Variants in DDX10 observed in about 807,000 individuals in gnomAD.
The protein encoded by DDX10 is probable ATP-dependent RNA helicase DDX10.
Under a neutral mutation model 104.3 loss-of-function variants are expected in DDX10, and 74 were observed. The ratio of observed to expected loss-of-function variants is 0.71; its 90% CI spans 0.59 to 0.86. The LOEUF is 0.86. Among genes scored for constraint, DDX10 ranks in the 40% least tolerant of loss-of-function variants. The pLI is 0.00. For missense variants in DDX10, 952 were observed against 1,040.0 expected, an observed-to-expected ratio of 0.92 and a Z score of 1.16; for synonymous variants, 351 against 353.4, an observed-to-expected ratio of 0.99 and a Z score of 0.08.
rs141780292 is a variant in DDX10 at position 108,883,448 on chromosome 11, C to T, written c.2304+31239C>T. Among the ~76,000 whole-genome samples the T allele has an allele frequency of 1.1e-3, 168 of 152,128 alleles. 1 individual carries two copies. The East Asian group carries it at 0.032, about 29-fold the overall frequency. On this transcript the variant is annotated intron_variant, in intron 16 of 17. Transcript: ENST00000322536. ...GCTGGATCCCATCCTCTCGTTTCTC[C>T]TTGGGGATTTTGTTCCAGGATTATA...
rs546309073 is a variant in DDX10 at position 108,671,167 on chromosome 11, AAG to A, written c.187-2297_187-2296del. Among the ~76,000 whole-genome samples, 23 of 152,246 alleles carry A rather than the reference AAG, an allele frequency of 1.5e-4. No homozygotes were observed. The South Asian group carries it at 1.9e-3, about 12-fold the overall frequency. The stretch of plus-strand genomic sequence containing the variant: ...TAAGAAAGGGATAAAGGGAAGGAGA[AAG>A]AGTTATTTTTTTGAGGTAGAGTCTC... On this transcript the variant is annotated intron_variant, in intron 1 of 17. Transcript: ENST00000322536.
chr11:108,923,232 C>T (rs1863857605), intron 17 of DDX10, among the ~76,000 whole-genome samples: 1 of 152,176 alleles, frequency 6.6e-6, no homozygotes, highest in Non-Finnish European at 1.5e-5. Flanking sequence ...CTGCTGGGAA[C>T]TGCACAGAGT....
chr11:108,715,145 C>T (rs577677587), intron 10 of DDX10, among the ~76,000 whole-genome samples: 8 of 151,492 alleles, frequency 5.3e-5, no homozygotes, highest in African/African-American at 1.9e-4. Context: ...ATAAGGAAAT[C>T]ACTACAATCT....
chr11:108,929,339 G>A (rs947775943), intron 17 of DDX10, among the ~76,000 whole-genome samples: 5 of 152,188 alleles, frequency 3.3e-5, no homozygotes, highest in Non-Finnish European at 4.4e-5. Flanking sequence ...CCTCTCTGAG[G>A]CAAGACCTGA....
intron 13 of DDX10, among the ~76,000 whole-genome samples, chr11:108,790,769 T>C (rs1202841737): frequency 6.6e-6 from 1 of 152,144 alleles, no homozygotes; most frequent in Non-Finnish European, 1.5e-5. Context: ...TTTTGTTTTT[T>C]TTTTTGACTC....
intron 13 of DDX10, among the ~76,000 whole-genome samples, chr11:108,776,964 C>T (rs1023486311): frequency 1.3e-5 from 2 of 152,212 alleles, no homozygotes; most frequent in African/African-American, 4.8e-5. Context: ...TGATTTCAGA[C>T]TTGTGATAAC....
At chr11:108,751,658 A>G (rs1174466738) in intron 13 of DDX10, among the ~76,000 whole-genome samples, 1 of 152,182 alleles carries the variant, frequency 6.6e-6, no homozygotes, top group Non-Finnish European at 1.5e-5. Flanking sequence ...AGAGTGAGTT[A>G]GGGGAAACGT....
At chr11:108,803,978 G>T (rs1436625234) in intron 13 of DDX10, among the ~76,000 whole-genome samples, 1 of 152,150 alleles carries the variant, frequency 6.6e-6, no homozygotes. Flanking sequence ...AGGCACTGCT[G>T]ATTAGGCCTG....
At chr11:108,772,273 C>A (rs149252450) in intron 13 of DDX10, among the ~76,000 whole-genome samples, 46 of 152,264 alleles carry the variant, frequency 3.0e-4, no homozygotes, top group African/African-American at 1.1e-3. Context: ...AGGGTCATTG[C>A]AGATATAATT....
chr11:108,887,860 C>T (rs182786736), intron 16 of DDX10, among the ~76,000 whole-genome samples: 231 of 151,902 alleles, frequency 1.5e-3, no homozygotes, highest in Non-Finnish European at 2.4e-3. Flanking sequence ...GTAGAGATTG[C>T]GGTGAGCCGC....
intron 16 of DDX10, among the ~76,000 whole-genome samples, chr11:108,872,650 A>T (rs1291454758): frequency 6.6e-6 from 1 of 152,150 alleles, no homozygotes. Context: ...TATTTCTGGC[A>T]CTAGTATCAT....
intron 13 of DDX10, among the ~76,000 whole-genome samples, chr11:108,784,782 A>G (rs759764410): frequency 3.3e-5 from 5 of 152,190 alleles, no homozygotes; most frequent in Non-Finnish European, 5.9e-5. Context: ...AGTGTCAAGC[A>G]GGGTATTTTC....
chr11:108,760,773 C>T (rs2094349881), intron 13 of DDX10, among the ~76,000 whole-genome samples: 1 of 150,866 alleles, frequency 6.6e-6, no homozygotes, highest in African/African-American at 2.4e-5. Context: ...GATGAGTGAC[C>T]TGTTGAAGTA....
chr11:108,707,376 C>T (rs1162126926), intron 10 of DDX10, among the ~76,000 whole-genome samples: 1 of 152,178 alleles, frequency 6.6e-6, no homozygotes, highest in Non-Finnish European at 1.5e-5. Context: ...GGTACCTAGC[C>T]TTTTCATATT....
chr11:108,892,816 A>G lies in DDX10; in HGVS notation c.2305-25057A>G, dbSNP rs138694811. Among the ~76,000 whole-genome samples, 220 of 152,308 alleles carry G rather than the reference A, an allele frequency of 1.4e-3. 2 individuals are homozygous for G. The highest frequency in any genetic ancestry group is 9.7e-3 in the South Asian group (47 of 4,824). On this transcript the variant is annotated intron_variant, in intron 16 of 17. Coordinates refer to ENST00000322536, the MANE Select transcript of DDX10 (RefSeq NM_004398.4). The stretch of plus-strand genomic sequence containing the variant: ...AGGAAGTTCTTATTTCTAAAAGGTT[A>G]ATAACCTTGGACTCAGAATTTAGTC...
At chr11:108,743,723 G>A (rs2134497980) in intron 13 of DDX10, among the ~76,000 whole-genome samples, 1 of 152,220 alleles carries the variant, frequency 6.6e-6, no homozygotes, top group Middle Eastern at 3.4e-3. Context: ...ATTGCCAGAA[G>A]ACTTTGCAAG....
chr11:108,787,129 T>C (rs1484290077), intron 13 of DDX10, among the ~76,000 whole-genome samples: 1 of 152,194 alleles, frequency 6.6e-6, no homozygotes, highest in Non-Finnish European at 1.5e-5. Flanking sequence ...ATGAGGTTCT[T>C]GGCTGTAATT....
At chr11:108,720,098 G>A (rs1329854665) in intron 12 of DDX10, among the ~76,000 whole-genome samples, 1 of 152,170 alleles carries the variant, frequency 6.6e-6, no homozygotes, top group Non-Finnish European at 1.5e-5. Flanking sequence ...CTGGTTCTCT[G>A]AGATTCTTAG....
At chr11:108,782,020 A>G (rs1313940569) in intron 13 of DDX10, among the ~76,000 whole-genome samples, 2 of 152,168 alleles carry the variant, frequency 1.3e-5, no homozygotes, top group South Asian at 2.1e-4. Flanking sequence ...TGAGGAGGCT[A>G]CTTGCAAATT....
Sources: allele counts gnomAD v4.1 joint callset (sites outside exome capture counted in the v4.1 genomes callset), GRCh38; gene constraint gnomAD v4.1.1; transcripts MANE v1.5; gene names NCBI Gene and HGNC (gene_info 2026-07-23, HGNC 2026-07-21).